The following SH3RF1 variants were observed in gnomAD, a reference collection of about 807,000 sequenced individuals.
The protein encoded by SH3RF1 is SH3 domain containing ring finger 1.
In SH3RF1, 32 loss-of-function variants were observed where a neutral mutation model predicts 74.0. That is an observed-to-expected ratio of 0.43 (90% CI 0.33 to 0.58). The LOEUF (loss-of-function observed/expected upper bound fraction) is 0.58. SH3RF1 is among the 20% of genes least tolerant of loss of function. The pLI is 0.05. For missense variants in SH3RF1, 954 were observed against 1,130.9 expected, an observed-to-expected ratio of 0.84 and a Z score of 2.24; for synonymous variants, 396 against 439.6, an observed-to-expected ratio of 0.90 and a Z score of 1.24.
At chr4:169,172,355 G>A (rs9991235) in intron 2 of SH3RF1, among the ~76,000 whole-genome samples, 44,732 of 152,036 alleles carry the variant, frequency 0.29, 6,961 homozygotes, top group African/African-American at 0.39. Context: ...GAATATGCCC[G>A]TACATGGATA....
intron 2 of SH3RF1, among the ~76,000 whole-genome samples, chr4:169,188,527 G>A (rs939438095): frequency 1.3e-5 from 2 of 152,106 alleles, no homozygotes; most frequent in Non-Finnish European, 2.9e-5. Flanking sequence ...ATTAAGAAAC[G>A]ATACACTGCT....
intron 2 of SH3RF1, among the ~76,000 whole-genome samples, chr4:169,229,724 A>G (rs976987421): frequency 6.6e-6 from 1 of 152,226 alleles, no homozygotes; most frequent in African/African-American, 2.4e-5. Flanking sequence ...CAGCTTACTC[A>G]TCACAACTGG....
chr4:169,145,817 T>C (rs1216585299), intron 4 of SH3RF1, among the ~76,000 whole-genome samples: 2 of 131,738 alleles, frequency 1.5e-5, no homozygotes, highest in African/African-American at 2.9e-5. Flanking sequence ...ATATTCTATA[T>C]ATTATTCTAT....
At chr4:169,169,835 C>T (rs1384279641) in intron 2 of SH3RF1, among the ~76,000 whole-genome samples, 1 of 152,112 alleles carries the variant, frequency 6.6e-6, no homozygotes, top group Non-Finnish European at 1.5e-5. Context: ...TCAAGCAATC[C>T]TCCTGTCGTA....
intron 2 of SH3RF1, among the ~76,000 whole-genome samples, chr4:169,161,707 C>T (rs947069804): frequency 1.3e-5 from 2 of 152,164 alleles, no homozygotes; most frequent in African/African-American, 4.8e-5. Flanking sequence ...GTGGGAACAG[C>T]TATAAAATGT....
chr4:169,222,932 G>GGCGGCTATAAATGCCTGTGTGT (rs1730591243), intron 2 of SH3RF1, among the ~76,000 whole-genome samples: 1 of 152,172 alleles, frequency 6.6e-6, no homozygotes, highest in Non-Finnish European at 1.5e-5. Flanking sequence ...TGCCTGTGTG[G>GGCGGCTATAAATGCCTGTGTGT]ACAGCACCCC....
chr4:169,143,583 C>T (rs1579104128), intron 4 of SH3RF1, among the ~76,000 whole-genome samples: 1 of 152,094 alleles, frequency 6.6e-6, no homozygotes, highest in Non-Finnish European at 1.5e-5. Context: ...CCCCTGACTC[C>T]CTATGGCCCA....
At chr4:169,241,398 G>C (rs758154816) in intron 2 of SH3RF1, among the ~76,000 whole-genome samples, 1 of 152,212 alleles carries the variant, frequency 6.6e-6, no homozygotes, top group Admixed American at 6.5e-5. Context: ...CCGAAAGGCA[G>C]TGAACTTCAC....
chr4:169,198,952 C>A (rs1255464140), intron 2 of SH3RF1, among the ~76,000 whole-genome samples: 1 of 152,076 alleles, frequency 6.6e-6, no homozygotes, highest in Non-Finnish European at 1.5e-5. Flanking sequence ...GATTTATTAC[C>A]AGCAGGATTT....
At chr4:169,235,307 A>G (rs1229143455) in intron 2 of SH3RF1, among the ~76,000 whole-genome samples, 1 of 152,240 alleles carries the variant, frequency 6.6e-6, no homozygotes, top group Non-Finnish European at 1.5e-5. Flanking sequence ...TTAAGTTTTT[A>G]GCAATGTCAT....
intron 2 of SH3RF1, among the ~76,000 whole-genome samples, chr4:169,190,233 C>A (rs1734678251): frequency 6.6e-6 from 1 of 151,758 alleles, no homozygotes. Flanking sequence ...AGAGCAGAAG[C>A]AAATGAAATT....
chr4:169,151,734 G>A (rs1733980015), intron 4 of SH3RF1, among the ~76,000 whole-genome samples: 2 of 152,220 alleles, frequency 1.3e-5, no homozygotes, highest in African/African-American at 2.4e-5. Context: ...TATAGCAGAG[G>A]AGCAAGTTGC....
intron 2 of SH3RF1, among the ~76,000 whole-genome samples, chr4:169,250,485 A>C (rs1226906231): frequency 1.3e-5 from 2 of 152,236 alleles, no homozygotes; most frequent in Non-Finnish European, 2.9e-5. Flanking sequence ...TCATTCTCCT[A>C]TTTGCAATAT....
chr4:169,127,431 T>C (rs1011093931), intron 6 of SH3RF1, among the ~76,000 whole-genome samples: 3 of 152,218 alleles, frequency 2.0e-5, no homozygotes, highest in Non-Finnish European at 2.9e-5. Flanking sequence ...AAATTTTAAA[T>C]AGAATGCTTG....
chr4:169,155,618 G>A (rs1211389911), intron 3 of SH3RF1, 43 bp from the exon 4 acceptor site: 7 of 1,371,972 alleles, frequency 5.1e-6, no homozygotes, highest in Non-Finnish European at 7.3e-6. Context: ...TCATTAAGCT[G>A]TACCATTAAG....
At chr4:169,200,624 T>C (rs6851776) in intron 2 of SH3RF1, among the ~76,000 whole-genome samples, 71,183 of 152,022 alleles carry the variant, frequency 0.47, 17,965 homozygotes, top group East Asian at 0.78. Flanking sequence ...ATCTTTCATA[T>C]GTATCATATG....
At chr4:169,145,285 A>G (rs1733856311) in intron 4 of SH3RF1, among the ~76,000 whole-genome samples, 1 of 152,162 alleles carries the variant, frequency 6.6e-6, no homozygotes, top group Non-Finnish European at 1.5e-5. Context: ...TTTTGCAGCA[A>G]CATGGATGGA....
intron 2 of SH3RF1, among the ~76,000 whole-genome samples, chr4:169,179,397 A>G (rs1046084626): frequency 1.3e-5 from 2 of 152,246 alleles, no homozygotes; most frequent in African/African-American, 4.8e-5. Context: ...CTACAAAAGT[A>G]TAAGTTAATA....
chr4:169,138,135 T>C (rs552696783), intron 4 of SH3RF1, among the ~76,000 whole-genome samples: 36 of 152,294 alleles, frequency 2.4e-4, no homozygotes, highest in African/African-American at 7.9e-4. Flanking sequence ...TTCAAGGCAA[T>C]TGGCCAGGAG....
Sources: gnomAD v4.1 joint callset for allele counts (sites outside exome capture counted in the v4.1 genomes callset) on GRCh38, gnomAD v4.1.1 for gene constraint, MANE v1.5 for transcripts, NCBI Gene and HGNC (gene_info 2026-07-23, HGNC 2026-07-21) for gene names.